The following ATP6V1B1 variants were observed in gnomAD, a reference collection of about 807,000 sequenced individuals.
ATP6V1B1 encodes the protein ATPase H+ transporting V1 subunit B1, also known as V-type proton ATPase subunit B, kidney isoform.
In ATP6V1B1, 41 loss-of-function variants were observed where a neutral mutation model predicts 62.1. The ratio of observed to expected loss-of-function variants is 0.66; its 90% CI spans 0.51 to 0.86. ATP6V1B1 has a LOEUF of 0.86. Ranked by LOEUF, ATP6V1B1 falls within the 40% of genes least tolerant of loss-of-function variation. The pLI is 0.00. For synonymous variants in ATP6V1B1, 253 were observed against 273.4 expected (o/e 0.93, Z 0.74); for missense variants, 651 against 697.5 (o/e 0.93, Z 0.75).
chr2:70,943,826 G>T, intron 2 of ATP6V1B1, 113 bp downstream of exon 2: 1 of 1,429,532 alleles, frequency 7.0e-7, no homozygotes. Context: ...CCCAGGGCCT[G>T]CTCTGTTCTC....
intron 11 of ATP6V1B1, 65 bp from the exon 12 acceptor site, chr2:70,964,373 T>C: frequency 6.5e-7 from 1 of 1,543,082 alleles, no homozygotes; most frequent in Non-Finnish European, 9.0e-7. Context: ...CTGAGAACAA[T>C]TTGGGGACAG....
Position 70,960,066 on chromosome 2 carries a change from C to A in ATP6V1B1, c.573C>A (p.Leu191=). The change falls in exon 6 of 14, where the codon CTC becomes CTA. Residue 191 remains leucine (L), a synonymous_variant. Transcript: ENST00000234396. ...QKIPIFSAAG[L]PHNEIAAQIC... ...TCCCCATCTTCTCAGCAGCCGGGCT[C>A]CCCCACAATGAGGTGAGGCCTGCAG... 1.2e-6 allele frequency: 2 copies of A among 1,614,160 alleles called. No homozygotes were observed. Among genetic ancestry groups the A allele is most frequent in the Non-Finnish European group, 1.7e-6 (2 of 1,180,030 alleles).
intron 2 of ATP6V1B1, among the ~76,000 whole-genome samples, chr2:70,954,537 G>C (rs959772979): frequency 1.1e-4 from 17 of 152,214 alleles, no homozygotes; most frequent in Admixed American, 9.2e-4. Flanking sequence ...TAATGACAAG[G>C]AGTAATTCAG....
chr2:70,938,483 G>A (rs1679911575), intron 1 of ATP6V1B1: 4 of 934,914 alleles, frequency 4.3e-6, no homozygotes, highest in South Asian at 4.9e-5. Flanking sequence ...CCCAGTGCTC[G>A]CTGGGCCACG....
At chr2:70,956,625 C>T (rs569125571) in intron 2 of ATP6V1B1, among the ~76,000 whole-genome samples, 39 of 152,150 alleles carry the variant, frequency 2.6e-4, no homozygotes, top group Admixed American at 5.9e-4. Flanking sequence ...TTTTTTGAGA[C>T]GGAGTCTTTC....
At chr2:70,938,296 C>A (rs544285380) in intron 1 of ATP6V1B1, among the ~76,000 whole-genome samples, 5 of 152,230 alleles carry the variant, frequency 3.3e-5, no homozygotes, top group African/African-American at 1.2e-4. Context: ...TGGACAGGCG[C>A]AGGGCTGGCA....
At chr2:70,951,463 G>C (rs1680321831) in intron 2 of ATP6V1B1, among the ~76,000 whole-genome samples, 1 of 151,818 alleles carries the variant, frequency 6.6e-6, no homozygotes. Flanking sequence ...CTCCAGTATA[G>C]GATCCAGTCT....
intron 2 of ATP6V1B1, among the ~76,000 whole-genome samples, chr2:70,946,276 C>T (rs997716984): frequency 2.6e-5 from 4 of 152,178 alleles, no homozygotes; most frequent in African/African-American, 9.7e-5. Flanking sequence ...ACGGACATTA[C>T]CACTTGACCC....
At position 70,963,703 on chromosome 2, in the gene ATP6V1B1, T is replaced by C. The variant is rs2104832590; in HGVS notation, c.1143+49T>C. ...TCCTGCTCTCAGCCCAGAGAAACACTGAGGAACAGATGTTTCACTGCCCCC... is the reference window on the plus strand; with the variant it reads ...TCCTGCTCTCAGCCCAGAGAAACACCGAGGAACAGATGTTTCACTGCCCCC... On this transcript the variant is annotated intron_variant, in intron 11 of 13. Coordinates refer to ENST00000234396, the MANE Select transcript of ATP6V1B1 (RefSeq NM_001692.4). This position sits in a 1 kb window ranked among gnomAD's most constrained non-coding sequence, Gnocchi z 4.3. 6.3e-7 allele frequency: 1 copy of C among 1,580,474 alleles called. No individual in the cohort carries two copies. Among genetic ancestry groups the C allele is most frequent in the East Asian group, 2.2e-5 (1 of 44,686 alleles).
intron 2 of ATP6V1B1, among the ~76,000 whole-genome samples, chr2:70,949,256 A>G (rs1680265093): frequency 6.6e-6 from 1 of 152,164 alleles, no homozygotes; most frequent in Admixed American, 6.5e-5. Context: ...CAGCGGATAC[A>G]CATTTTACGC....
intron 2 of ATP6V1B1, chr2:70,943,931 ACCCCATGGAGGCCCAG>A (rs1374756314): frequency 2.2e-6 from 2 of 905,490 alleles, no homozygotes; most frequent in Admixed American, 1.2e-4. Flanking sequence ...AACCATAAAA[ACCCCATGGAGGCCCAG>A]CCCTGGGCCT....
At chr2:70,946,873 C>A (rs1317739731) in intron 2 of ATP6V1B1, among the ~76,000 whole-genome samples, 1 of 152,134 alleles carries the variant, frequency 6.6e-6, no homozygotes, top group Non-Finnish European at 1.5e-5. Flanking sequence ...GAACTAGGTC[C>A]CCAGACCTGT....
intron 2 of ATP6V1B1, among the ~76,000 whole-genome samples, chr2:70,953,846 G>T (rs1680373298): frequency 6.6e-6 from 1 of 152,090 alleles, no homozygotes; most frequent in Admixed American, 6.5e-5. Context: ...AAGATTTCAG[G>T]ATTATTCTGG....
At chr2:70,944,302 A>T in intron 2 of ATP6V1B1, 1 of 1,103,228 alleles carries the variant, frequency 9.1e-7, no homozygotes, top group Non-Finnish European at 1.2e-6. Flanking sequence ...ACTGGCAGAC[A>T]CTGACAGTAT....
chr2:70,959,063 T>C lies in ATP6V1B1; in HGVS notation c.413T>C (p.Val138Ala). The change falls in exon 5 of 14, where the codon GTG becomes GCG. Residue 138 changes from valine to alanine, a missense_variant. Physicochemically the swap from Val to Ala is moderately conservative, Grantham distance 64 (BLOSUM62 0). Coordinates refer to ENST00000234396, the MANE Select transcript of ATP6V1B1 (RefSeq NM_001692.4). The surrounding 1 kb of genome is among the most constrained non-coding windows in gnomAD (Gnocchi z 4.2). ...GSGKPIDKGP[V>A]VMAEDFLDIN... is the part of the protein sequence containing the mutation. ...GGCAAGCCCATTGACAAGGGGCCAGTGGTCATGGCGGAGGACTTTCTGGAT... is the reference window on the plus strand; with the variant it reads ...GGCAAGCCCATTGACAAGGGGCCAGCGGTCATGGCGGAGGACTTTCTGGAT... The C allele has an allele frequency of 6.2e-7, 1 of 1,614,118 alleles. No individual in the cohort carries two copies. Among genetic ancestry groups the C allele is most frequent in the Non-Finnish European group, 8.5e-7 (1 of 1,179,994 alleles).
chr2:70,950,294 T>C (rs1680290677), intron 2 of ATP6V1B1, among the ~76,000 whole-genome samples: 1 of 152,194 alleles, frequency 6.6e-6, no homozygotes, highest in Non-Finnish European at 1.5e-5. Context: ...TTTTCATAAC[T>C]ACTTTGGCTA....
intron 1 of ATP6V1B1, chr2:70,940,674 C>T (rs1679975386): frequency 1.0e-6 from 1 of 985,360 alleles, no homozygotes. Flanking sequence ...CCCAGTACAT[C>T]CTCTTTCTCT....
In ATP6V1B1 at chr2:70,964,543, G is replaced by C. The variant is rs1553420702; in HGVS notation, c.1248+1G>C. 4.3e-6 allele frequency: 7 copies of C among 1,613,956 alleles called. No homozygotes were observed. The Admixed American group carries it at 1.0e-4, about 23-fold the overall frequency. On this transcript the variant is annotated splice_donor_variant, in intron 12 of 13. Coordinates refer to ENST00000234396, the MANE Select transcript of ATP6V1B1 (RefSeq NM_001692.4). LOFTEE classifies it high-confidence loss of function. ...CCATGGAGATGTCTCCAACCAGCTG[G>C]TAAGGAGAAGAGGGTCCGGGGGCTG...
chr2:70,941,835 G>A (rs989460818), intron 1 of ATP6V1B1: 1 of 985,934 alleles, frequency 1.0e-6, no homozygotes, highest in Non-Finnish European at 1.2e-6. Context: ...AGTCTTCAGA[G>A]GAGGCTGACA....
Sources: allele counts gnomAD v4.1 joint callset (sites outside exome capture counted in the v4.1 genomes callset), GRCh38; gene constraint gnomAD v4.1.1; non-coding constraint Gnocchi (gnomAD v3.1); transcripts MANE v1.5; gene names NCBI Gene and HGNC (gene_info 2026-07-23, HGNC 2026-07-21).